The following SHISA9 variants were observed in gnomAD, a reference collection of about 807,000 sequenced individuals.
SHISA9 encodes protein shisa-9.
SHISA9 carries 13 observed loss-of-function variants against 38.0 expected under a neutral mutation model. The observed-to-expected ratio is 0.34, with a 90% CI of 0.22 to 0.54. The LOEUF (loss-of-function observed/expected upper bound fraction) is 0.54. SHISA9 is among the 20% of genes least tolerant of loss of function. The pLI, the probability that SHISA9 is intolerant of heterozygous loss-of-function variation, is 0.91. For missense variants in SHISA9, 538 were observed against 575.8 expected (o/e 0.93, Z 0.67); for synonymous variants, 275 against 242.0 (o/e 1.14, Z -1.27).
At chr16:13,156,878 C>A (rs964317247) in intron 2 of SHISA9, among the ~76,000 whole-genome samples, 1 of 152,188 alleles carries the variant, frequency 6.6e-6, no homozygotes, top group South Asian at 2.1e-4. Flanking sequence ...CTCATCTTTG[C>A]GCTTCTCCAC....
the SHISA9 span, among the ~76,000 whole-genome samples, chr16:13,480,172 T>G: frequency 6.6e-6 from 1 of 152,166 alleles, no homozygotes; most frequent in Non-Finnish European, 1.5e-5. Flanking sequence ...AATACCTTAA[T>G]TTTTGTTTTG....
chr16:13,214,514 T>G (rs1002943187), intron 4 of SHISA9, among the ~76,000 whole-genome samples: 1 of 152,130 alleles, frequency 6.6e-6, no homozygotes, highest in African/African-American at 2.4e-5. Flanking sequence ...CCAGTAGAAC[T>G]CTTTAATGAG....
At chr16:13,340,076 A>G in the SHISA9 span, among the ~76,000 whole-genome samples, 1 of 152,310 alleles carries the variant, frequency 6.6e-6, no homozygotes, top group Middle Eastern at 3.4e-3. Context: ...CTGATTTAAG[A>G]TGTGCTCAAC....
chr16:13,500,844 C>T, the SHISA9 span, among the ~76,000 whole-genome samples: 1 of 152,186 alleles, frequency 6.6e-6, no homozygotes, highest in East Asian at 1.9e-4. Flanking sequence ...AGCACCAAGA[C>T]ATATGAACTA....
intron 2 of SHISA9, among the ~76,000 whole-genome samples, chr16:13,149,450 T>C (rs554786204): frequency 5.3e-5 from 8 of 152,154 alleles, no homozygotes; most frequent in Non-Finnish European, 1.2e-4. Context: ...AACCACTGTG[T>C]TGCCAGGTTG....
chr16:13,172,741 AT>A (rs35564627), intron 2 of SHISA9, among the ~76,000 whole-genome samples: 17,990 of 128,744 alleles, frequency 0.14, 994 homozygotes, highest in Middle Eastern at 0.22. Context: ...TATCTTGATG[AT>A]TTTTTTTTTT....
the SHISA9 span, among the ~76,000 whole-genome samples, chr16:13,390,265 C>T: frequency 1.6e-4 from 25 of 152,208 alleles, no homozygotes; most frequent in Admixed American, 5.9e-4. Flanking sequence ...TCTTAAGTCA[C>T]GCCAGAACCA....
intron 4 of SHISA9, among the ~76,000 whole-genome samples, chr16:13,226,559 C>T (rs1310116988): frequency 6.6e-6 from 1 of 152,216 alleles, no homozygotes; most frequent in Non-Finnish European, 1.5e-5. Context: ...CAAATGCTGT[C>T]ATGTATCAGT....
chr16:12,938,276 T>C (rs2071559970), intron 2 of SHISA9, among the ~76,000 whole-genome samples: 1 of 152,194 alleles, frequency 6.6e-6, no homozygotes, highest in Admixed American at 6.6e-5. Flanking sequence ...GAGACCATAG[T>C]GGGGCTATCA....
intron 2 of SHISA9, among the ~76,000 whole-genome samples, chr16:13,021,075 T>A (rs529044600): frequency 6.6e-6 from 1 of 152,330 alleles, no homozygotes; most frequent in African/African-American, 2.4e-5. Flanking sequence ...TGAACTTGGC[T>A]ATTCAACTTT....
intron 2 of SHISA9, among the ~76,000 whole-genome samples, chr16:12,993,190 T>C (rs2072411035): frequency 6.6e-6 from 1 of 151,764 alleles, no homozygotes; most frequent in Admixed American, 6.6e-5. Context: ...TACCCTCATA[T>C]ATAAAAGGTT....
At chr16:13,462,244 CA>C in the SHISA9 span, among the ~76,000 whole-genome samples, 187 of 144,156 alleles carry the variant, frequency 1.3e-3, no homozygotes, top group Middle Eastern at 7.3e-3. Flanking sequence ...CTACCTCTAC[CA>C]AAAAAAAAAA....
At chr16:13,294,014 T>C in the SHISA9 span, among the ~76,000 whole-genome samples, 1 of 152,222 alleles carries the variant, frequency 6.6e-6, no homozygotes, top group Non-Finnish European at 1.5e-5. Context: ...CTTGAATTTT[T>C]GACCCCATCA....
In SHISA9 at chr16:13,211,968, ACT is replaced by A. The variant is rs1337485393; in HGVS notation, c.848-1284_848-1283del. On this transcript the variant is annotated intron_variant, in intron 3 of 4. Coordinates refer to ENST00000558583, the MANE Select transcript of SHISA9 (RefSeq NM_001145204.3). Reference sequence around the variant, plus strand: ...CCTGGGTGGGCCCGACTCAGTTTTAACTTCCTCACTCTTCTCTCTTCTGTTGC... The same window carrying A: ...CCTGGGTGGGCCCGACTCAGTTTTAATCCTCACTCTTCTCTCTTCTGTTGC... Among the ~76,000 whole-genome samples, 8 of 152,166 alleles carry A rather than the reference ACT, an allele frequency of 5.3e-5. No individual in the cohort carries two copies. In the East Asian group the frequency reaches 1.4e-3, roughly 26 times the overall value.
chr16:13,025,826 A>G (rs548906627), intron 2 of SHISA9, among the ~76,000 whole-genome samples: 1 of 150,928 alleles, frequency 6.6e-6, no homozygotes, highest in East Asian at 1.9e-4. Context: ...TTTGGGGGGG[A>G]TGGAGTTTTC....
chr16:13,292,620 G>C, the SHISA9 span, among the ~76,000 whole-genome samples: 22 of 152,142 alleles, frequency 1.4e-4, no homozygotes, highest in Admixed American at 1.4e-3. Context: ...CCTCATCCAA[G>C]AGCTGGTCAT....
At chr16:13,284,251 A>T in the SHISA9 span, among the ~76,000 whole-genome samples, 1 of 152,172 alleles carries the variant, frequency 6.6e-6, no homozygotes, top group Non-Finnish European at 1.5e-5. Flanking sequence ...TCTTTCATGA[A>T]TCACAATCTC....
In SHISA9 at chr16:12,972,640, G is replaced by A. The variant is rs1277629991; in HGVS notation, c.691+55825G>A. Among the ~76,000 whole-genome samples the A allele has an allele frequency of 2.0e-5, 3 of 151,728 alleles. No individual in the cohort carries two copies. In the South Asian group the frequency reaches 6.3e-4, roughly 32 times the overall value. ...TGTGACTGTTGGACCATTGACATGC[G>A]GGTAATGCAACTGAGAAACTGAATT... is the stretch of plus-strand genomic sequence containing the variant. On this transcript the variant is annotated intron_variant, in intron 2 of 4. Coordinates refer to ENST00000558583, the MANE Select transcript of SHISA9 (RefSeq NM_001145204.3).
chr16:13,181,556 T>C (rs2050779729), intron 2 of SHISA9, among the ~76,000 whole-genome samples: 1 of 151,750 alleles, frequency 6.6e-6, no homozygotes. Context: ...TTGTCATACA[T>C]GGTATGGGTT....
Sources: allele counts gnomAD v4.1 joint callset (sites outside exome capture counted in the v4.1 genomes callset), GRCh38; gene constraint gnomAD v4.1.1; transcripts MANE v1.5; gene names NCBI Gene and HGNC (gene_info 2026-07-23, HGNC 2026-07-21).